ZNF536: variants seen among roughly 807,000 people sequenced by gnomAD.
ZNF536 encodes zinc finger protein 536.
Under a neutral mutation model 84.5 loss-of-function variants are expected in ZNF536, and 13 were observed. The observed-to-expected ratio is 0.15, with a 90% CI of 0.10 to 0.24. The LOEUF (loss-of-function observed/expected upper bound fraction) is 0.24, where lower values mean the gene tolerates loss of function less well. ZNF536 is among the 10% of genes least tolerant of loss of function. The pLI is 1.00. For synonymous variants in ZNF536, 811 were observed against 742.5 expected (o/e 1.09, Z -1.50); for missense variants, 1,536 against 1,747.5 (o/e 0.88, Z 2.16).
At chr19:30,289,232 G>C (rs764891435) in intron 2 of ZNF536, among the ~76,000 whole-genome samples, 40 of 152,140 alleles carry the variant, frequency 2.6e-4, no homozygotes, top group Admixed American at 6.5e-4. Flanking sequence ...AAATGAGACT[G>C]TTTTCCACCA....
chr19:30,277,393 T>C (rs1354825164), intron 1 of ZNF536, among the ~76,000 whole-genome samples: 1 of 152,092 alleles, frequency 6.6e-6, no homozygotes, highest in Non-Finnish European at 1.5e-5. Flanking sequence ...CCTGGTCCGA[T>C]ATTGTAGGGT....
At chr19:30,569,352 C>T (rs1420062263) in intron 1 of ZNF536, among the ~76,000 whole-genome samples, 1 of 151,972 alleles carries the variant, frequency 6.6e-6, no homozygotes, top group African/African-American at 2.4e-5. Flanking sequence ...GGCTCTGCAG[C>T]CGTGTTCTTG....
chr19:30,352,058 G>C (rs1305469078), intron 2 of ZNF536, among the ~76,000 whole-genome samples: 1 of 152,194 alleles, frequency 6.6e-6, no homozygotes, highest in African/African-American at 2.4e-5. Flanking sequence ...TGCCCTGATA[G>C]AGCACAAGGA....
chr19:30,508,769 A>G (rs1298974498), intron 2 of ZNF536, among the ~76,000 whole-genome samples: 2 of 148,562 alleles, frequency 1.3e-5, no homozygotes, highest in African/African-American at 2.5e-5. Flanking sequence ...CTTAGTGACT[A>G]CATTTGTGGG....
rs1388000763 is a variant in ZNF536 at position 30,650,434 on chromosome 19, C to CT, written c.170-60320dup. Among the ~76,000 whole-genome samples, 4 of 152,334 alleles carry CT rather than the reference C, an allele frequency of 2.6e-5. No homozygotes were observed. The East Asian group carries it at 7.7e-4, about 29-fold the overall frequency. Reference sequence around the variant, plus strand: ...AGATTTCTCTCCTTTTCTTGTTACTCTTTAAGTCCTGAAAATATCTGTTTT... The same window carrying CT: ...AGATTTCTCTCCTTTTCTTGTTACTCTTTTAAGTCCTGAAAATATCTGTTTT... On this transcript the variant is annotated intron_variant, in intron 1 of 1. Coordinates refer to the ZNF536 transcript ENST00000592773.
At chr19:30,579,782 T>C (rs140421570) in intron 1 of ZNF536, among the ~76,000 whole-genome samples, 114 of 152,298 alleles carry the variant, frequency 7.5e-4, no homozygotes, top group African/African-American at 2.7e-3. Flanking sequence ...CTTTAGAAGA[T>C]GTTTTAATTC....
exon 2 of ZNF536, chr19:30,710,813 C>T (rs1295243443): frequency 6.6e-6 from 1 of 152,258 alleles, no homozygotes; most frequent in Non-Finnish European, 1.5e-5. Context: ...GAAGGGGAAC[C>T]TGAAGACCCA....
At chr19:30,341,840 A>C (rs2047574443) in intron 2 of ZNF536, among the ~76,000 whole-genome samples, 1 of 152,252 alleles carries the variant, frequency 6.6e-6, no homozygotes, top group African/African-American at 2.4e-5. Context: ...AACATTTCAC[A>C]ATAAACATGT....
rs386388859 is a variant in ZNF536, at chr19:30,396,592, C to CTTTTTT, written c.-3+24051_-3+24056dup. On this transcript the variant is annotated intron_variant, in intron 1 of 4. Transcript: ENST00000355537. Reference sequence around the variant, plus strand: ...TCCATTTGCTATGAGAGGGCTCTCTCTTTTTTTTTTTTTTTTTTTTGAGAC... The same window carrying CTTTTTT: ...TCCATTTGCTATGAGAGGGCTCTCTCTTTTTTTTTTTTTTTTTTTTTTTTTTGAGAC... 6.6e-3 allele frequency among the ~76,000 whole-genome samples: 739 copies of CTTTTTT among 112,192 alleles called. 5 individuals are homozygous for CTTTTTT. Among genetic ancestry groups the CTTTTTT allele is most frequent in the Non-Finnish European group, 8.4e-3 (467 of 55,546 alleles). 73.6% of individuals were successfully genotyped at this position (112,192 alleles called of 152,430 possible).
At chr19:30,456,811 G>T (rs1332080680) in intron 2 of ZNF536, among the ~76,000 whole-genome samples, 1 of 152,128 alleles carries the variant, frequency 6.6e-6, no homozygotes, top group East Asian at 1.9e-4. Flanking sequence ...GGAAGCCAAG[G>T]TGGGCAGATC....
rs555573422 is a variant in ZNF536, at chr19:30,624,232, C to T, written c.169+74718C>T. On this transcript the variant is annotated intron_variant, in intron 1 of 1. Coordinates refer to the ZNF536 transcript ENST00000592773. ...CCAAGTTGACCCCTCCTGTTCCCTCCTGTCTTTCCAGACCCACCAGGTTTC... is the reference window on the plus strand; with the variant it reads ...CCAAGTTGACCCCTCCTGTTCCCTCTTGTCTTTCCAGACCCACCAGGTTTC... 4.6e-5 allele frequency among the ~76,000 whole-genome samples: 7 copies of T among 152,286 alleles called. No homozygotes were observed. The East Asian group carries it at 1.4e-3, about 29-fold the overall frequency.
At chr19:30,315,332 C>T (rs563199388) in intron 2 of ZNF536, among the ~76,000 whole-genome samples, 170 of 152,220 alleles carry the variant, frequency 1.1e-3, no homozygotes, top group African/African-American at 3.9e-3. Context: ...AGTAGGGAGG[C>T]GAAGGCTTCC....
At chr19:30,446,841 A>ACAACAAC (rs150427729) in intron 2 of ZNF536, among the ~76,000 whole-genome samples, 2 of 146,956 alleles carry the variant, frequency 1.4e-5, no homozygotes. Flanking sequence ...AACAACAACA[A>ACAACAAC]AACACGCTAG....
intron 2 of ZNF536, among the ~76,000 whole-genome samples, chr19:30,464,001 G>A (rs2053272834): frequency 1.3e-5 from 2 of 152,238 alleles, no homozygotes. Flanking sequence ...TCTAGGAGTA[G>A]CTGTTTTCTC....
At chr19:30,269,759 C>T (rs866841914) in intron 1 of ZNF536, among the ~76,000 whole-genome samples, 5 of 152,136 alleles carry the variant, frequency 3.3e-5, no homozygotes, top group African/African-American at 9.7e-5. Context: ...GTTGGTCCCC[C>T]GCCTCGGCTT....
rs906959158 is a variant in ZNF536, at chr19:30,482,516, A to G, written c.2170+36784A>G. The stretch of plus-strand genomic sequence containing the variant: ...CCTAGGATTTTGAGAACTCTAAGAC[A>G]AACATAATTGTAGTTGTCCAAGATT... On this transcript the variant is annotated intron_variant, in intron 2 of 4. Coordinates refer to ENST00000355537, the MANE Select transcript of ZNF536 (RefSeq NM_014717.3). Among the ~76,000 whole-genome samples the G allele has an allele frequency of 5.3e-5, 8 of 151,332 alleles. No homozygotes were observed. In the East Asian group the frequency reaches 1.4e-3, roughly 26 times the overall value.
At chr19:30,512,269 C>T (rs2055444172) in intron 2 of ZNF536, among the ~76,000 whole-genome samples, 1 of 152,124 alleles carries the variant, frequency 6.6e-6, no homozygotes, top group Non-Finnish European at 1.5e-5. Flanking sequence ...GGAACACCTG[C>T]CTTAAAATGT....
rs191964798 is a variant in ZNF536 at position 30,489,544 on chromosome 19, T to G, written c.2170+43812T>G. On this transcript the variant is annotated intron_variant, in intron 2 of 4. Transcript: ENST00000355537. Reference sequence around the variant, plus strand: ...ATGCAGTGAGCTATGATTGTGCCACTGCACTCCAGCCTGGGCAACAGAGTG... The same window carrying G: ...ATGCAGTGAGCTATGATTGTGCCACGGCACTCCAGCCTGGGCAACAGAGTG... 1.5e-4 allele frequency among the ~76,000 whole-genome samples: 23 copies of G among 152,192 alleles called. No homozygotes were observed. In the East Asian group the frequency reaches 4.3e-3, roughly 28 times the overall value.
chr19:30,294,549 ATGTGTGTGTGTG>A lies in ZNF536; in HGVS notation c.-120+10438_-120+10449del, dbSNP rs55972417. The stretch of plus-strand genomic sequence containing the variant: ...CTGTTTCTCCTCTCTAGGCCCCAAT[ATGTGTGTGTGTG>A]TGTGTGTGTGTGTGTGTGTGTGTGT... On this transcript the variant is annotated intron_variant, in intron 2 of 5. Transcript: ENST00000585628. Among the ~76,000 whole-genome samples, 507 of 145,526 alleles carry A rather than the reference ATGTGTGTGTGTG, an allele frequency of 3.5e-3. 1 individual carries two copies. Among genetic ancestry groups the A allele is most frequent in the Middle Eastern group, 0.014 (4 of 288 alleles).
Sources: allele counts gnomAD v4.1 joint callset (sites outside exome capture counted in the v4.1 genomes callset), GRCh38; gene constraint gnomAD v4.1.1; transcripts MANE v1.5; gene names NCBI Gene and HGNC (gene_info 2026-07-23, HGNC 2026-07-21).